The following CPPED1 variants were observed in gnomAD, a reference collection of about 807,000 sequenced individuals.
The protein encoded by CPPED1 is calcineurin like phosphoesterase domain containing 1.
A neutral mutation model predicts 28.0 loss-of-function variants in CPPED1; 28 were observed. That is an observed-to-expected ratio of 1.00 (90% CI 0.74 to 1.37). The LOEUF is 1.37. Among genes scored for constraint, CPPED1 ranks in the 40% most tolerant of loss-of-function variants. The pLI is 0.00. For synonymous variants in CPPED1, 198 were observed against 180.2 expected (o/e 1.10, Z -0.79); for missense variants, 504 against 416.5 (o/e 1.21, Z -1.83).
intron 2 of CPPED1, among the ~76,000 whole-genome samples, chr16:12,712,823 T>C (rs1452174595): frequency 2.0e-5 from 3 of 152,172 alleles, no homozygotes; most frequent in Non-Finnish European, 2.9e-5. Context: ...ATAGTACCTG[T>C]CTGTGGGGAA....
chr16:12,763,096 G>C (rs987647312), intron 2 of CPPED1, among the ~76,000 whole-genome samples: 15 of 151,914 alleles, frequency 9.9e-5, no homozygotes, highest in African/African-American at 3.6e-4. Flanking sequence ...GCCGGGTGTG[G>C]TGGTGGATGC....
At chr16:12,699,448 G>A (rs973558637) in intron 3 of CPPED1, among the ~76,000 whole-genome samples, 4 of 152,020 alleles carry the variant, frequency 2.6e-5, no homozygotes, top group East Asian at 3.9e-4. Context: ...CTCCACTCCC[G>A]GTGGTCCACT....
At chr16:12,687,300 G>A (rs568374387) in intron 3 of CPPED1, among the ~76,000 whole-genome samples, 2 of 152,126 alleles carry the variant, frequency 1.3e-5, no homozygotes, top group South Asian at 4.1e-4. Context: ...TTAACATCTT[G>A]TAAGATCTGT....
chr16:12,711,201 T>G (rs1166124650), intron 2 of CPPED1, among the ~76,000 whole-genome samples: 2 of 152,184 alleles, frequency 1.3e-5, no homozygotes, highest in Non-Finnish European at 2.9e-5. Context: ...GATGAACCTT[T>G]AGGATATATG....
chr16:12,773,007 T>A (rs1199895201), intron 2 of CPPED1, among the ~76,000 whole-genome samples: 1 of 152,216 alleles, frequency 6.6e-6, no homozygotes, highest in Admixed American at 6.5e-5. Flanking sequence ...CTTTGTCACT[T>A]GGAAGGCAGT....
At chr16:12,765,032 G>A (rs1292113575) in intron 2 of CPPED1, among the ~76,000 whole-genome samples, 3 of 152,180 alleles carry the variant, frequency 2.0e-5, no homozygotes, top group African/African-American at 7.2e-5. Flanking sequence ...CTATGTCCCC[G>A]CTAGCACTGG....
At chr16:12,715,354 C>A (rs1040604080) in intron 2 of CPPED1, among the ~76,000 whole-genome samples, 32 of 152,220 alleles carry the variant, frequency 2.1e-4, no homozygotes, top group African/African-American at 7.2e-4. Context: ...CAAGGTCCAA[C>A]ACTTAAGCAG....
In CPPED1 at chr16:12,661,316, C is replaced by A. The variant is rs2079792950; in HGVS notation, c.*3570G>T. 6.6e-6 allele frequency: 1 copy of A among 152,176 alleles called. No homozygotes were observed. The allele number at this position is 152,176 out of a possible 1,614,324, so 9.4% of individuals were successfully genotyped here. A position where few individuals can be genotyped will look rare whatever the true frequency, so the allele number is the denominator to read the frequency against. ...AACTAGTGCTTGCCTTGTAACTCTG[C>A]AAGTGATCAATAATCTCTTAATACT... On this transcript the variant is annotated 3_prime_UTR_variant, in exon 4 of 4. Transcript: ENST00000381774.
At chr16:12,669,611 T>C (rs2079843599) in intron 3 of CPPED1, among the ~76,000 whole-genome samples, 1 of 152,174 alleles carries the variant, frequency 6.6e-6, no homozygotes, top group Non-Finnish European at 1.5e-5. Context: ...ATTGCTGTGG[T>C]TTCACATAGA....
chr16:12,781,142 C>A (rs369913287), intron 2 of CPPED1, 43 bp downstream of exon 2: 1 of 1,558,180 alleles, frequency 6.4e-7, no homozygotes, highest in Admixed American at 1.8e-5. Context: ...CAGTCATGAC[C>A]GGCTGAAGGA....
At chr16:12,676,675 G>A (rs892287518) in intron 3 of CPPED1, among the ~76,000 whole-genome samples, 1 of 152,124 alleles carries the variant, frequency 6.6e-6, no homozygotes, top group African/African-American at 2.4e-5. Flanking sequence ...GGGTGGCTCT[G>A]ACCTAAACAC....
intron 1 of CPPED1, among the ~76,000 whole-genome samples, chr16:12,789,058 T>C (rs1202066477): frequency 6.6e-6 from 1 of 152,246 alleles, no homozygotes; most frequent in African/African-American, 2.4e-5. Flanking sequence ...TCTGAATTTG[T>C]TGCCAACCTT....
At chr16:12,665,288 G>A (rs2079819560) in intron 3 of CPPED1, among the ~76,000 whole-genome samples, 173 bp from the exon 4 acceptor site, 1 of 151,868 alleles carries the variant, frequency 6.6e-6, no homozygotes, top group African/African-American at 2.4e-5. Flanking sequence ...CAAATAGAAA[G>A]CGTATGTGAT....
intron 3 of CPPED1, among the ~76,000 whole-genome samples, chr16:12,680,954 T>C (rs1465331804): frequency 6.6e-6 from 1 of 152,166 alleles, no homozygotes; most frequent in Admixed American, 6.5e-5. Context: ...ATCTGGTTTA[T>C]CTTAGGATTC....
At chr16:12,735,971 G>A (rs1032470647) in intron 2 of CPPED1, among the ~76,000 whole-genome samples, 6 of 152,130 alleles carry the variant, frequency 3.9e-5, no homozygotes, top group Non-Finnish European at 4.4e-5. Context: ...ATTATGGGCC[G>A]TCACTTTAGT....
intron 2 of CPPED1, among the ~76,000 whole-genome samples, chr16:12,746,321 C>T (rs1186638700): frequency 1.4e-5 from 2 of 141,780 alleles, no homozygotes; most frequent in Non-Finnish European, 3.0e-5. Flanking sequence ...TTACAGTGAG[C>T]TGAGAGTGTA....
At chr16:12,725,908 T>A (rs1443092019) in intron 2 of CPPED1, among the ~76,000 whole-genome samples, 1 of 152,164 alleles carries the variant, frequency 6.6e-6, no homozygotes, top group Non-Finnish European at 1.5e-5. Context: ...AAAGCAGCAA[T>A]AGGTCAGCTA....
intron 2 of CPPED1, among the ~76,000 whole-genome samples, chr16:12,739,983 G>A (rs1010186265): frequency 1.3e-5 from 2 of 150,558 alleles, no homozygotes; most frequent in South Asian, 2.1e-4. Context: ...GTCAATGGTC[G>A]GAGCTGCCTA....
At chr16:12,667,385 G>A (rs1203318279) in intron 3 of CPPED1, among the ~76,000 whole-genome samples, 1 of 152,142 alleles carries the variant, frequency 6.6e-6, no homozygotes, top group African/African-American at 2.4e-5. Flanking sequence ...AATTGAATGA[G>A]AACAGGAGGT....
Sources: gnomAD v4.1 joint callset for allele counts (sites outside exome capture counted in the v4.1 genomes callset) on GRCh38, gnomAD v4.1.1 for gene constraint, MANE v1.5 for transcripts, NCBI Gene and HGNC (gene_info 2026-07-23, HGNC 2026-07-21) for gene names.